The following MINK1 variants were observed in gnomAD, a reference collection of about 807,000 sequenced individuals.
MINK1 encodes misshapen like kinase 1.
A neutral mutation model predicts 178.4 loss-of-function variants in MINK1; 46 were observed. The observed-to-expected ratio is 0.26, with a 90% CI of 0.20 to 0.33. MINK1 has a LOEUF of 0.33. Among genes scored for constraint, MINK1 ranks in the 10% least tolerant of loss-of-function variants. MINK1 has a pLI of 1.00. For synonymous variants in MINK1, 797 were observed against 709.7 expected (o/e 1.12, Z -1.96); for missense variants, 1,366 against 1,814.9 (o/e 0.75, Z 4.49).
intron 1 of MINK1, among the ~76,000 whole-genome samples, chr17:4,851,736 C>CA (rs1440237924): frequency 3.3e-5 from 5 of 152,048 alleles, no homozygotes; most frequent in African/African-American, 1.2e-4. Flanking sequence ...CGTGGTGGCT[C>CA]ACGCCTGTAA....
At chr17:4,881,930 T>C (rs1967739148) in intron 4 of MINK1, among the ~76,000 whole-genome samples, 1 of 152,274 alleles carries the variant, frequency 6.6e-6, no homozygotes, top group South Asian at 2.1e-4. Context: ...GTCGGGAGTT[T>C]TGGCGCTGAC....
chr17:4,846,969 T>C (rs1027856833), intron 1 of MINK1, among the ~76,000 whole-genome samples: 3 of 152,200 alleles, frequency 2.0e-5, no homozygotes, highest in African/African-American at 7.2e-5. Flanking sequence ...CGTGTGAGAT[T>C]GGTCAGTGTG....
chr17:4,869,692 A>G (rs1184287694), intron 1 of MINK1, among the ~76,000 whole-genome samples: 2 of 150,138 alleles, frequency 1.3e-5, no homozygotes, highest in African/African-American at 4.9e-5. Context: ...GTACTAATTT[A>G]GATTCCCACC....
chr17:4,858,823 C>G (rs898811285), intron 1 of MINK1, among the ~76,000 whole-genome samples: 2 of 152,166 alleles, frequency 1.3e-5, no homozygotes, highest in Non-Finnish European at 1.5e-5. Context: ...TATAGTCAGT[C>G]CTGGTATGGT....
chr17:4,850,519 G>GCCC (rs34173368), intron 1 of MINK1, among the ~76,000 whole-genome samples: 129 of 144,952 alleles, frequency 8.9e-4, no homozygotes, highest in Non-Finnish European at 1.5e-3. Context: ...CTTCCTGCTG[G>GCCC]CCCCCCCCGC....
Position 4,896,309 on chromosome 17 carries a change from G to C in MINK1, c.3582G>C (p.Ser1194=). Residue 1194 remains serine, a synonymous_variant, in exon 29 of 32, where the codon TCG becomes TCC. Coordinates refer to ENST00000355280, the MANE Select transcript of MINK1 (RefSeq NM_153827.5). The surrounding 1 kb of genome is among the most constrained non-coding windows in gnomAD (Gnocchi z 4.6). ...GCTTCCATGCTGTGGATGTCGACTC[G>C]GGGAACAGCTATGACATCTACATCC... ...SAGFHAVDVD[S]GNSYDIYIPV... 1 of 1,600,460 alleles carries C rather than the reference G, an allele frequency of 6.2e-7. No individual in the cohort carries two copies. The highest frequency in any genetic ancestry group is 2.2e-5 in the East Asian group (1 of 44,834).
At chr17:4,880,143 G>A (rs1175939315) in intron 2 of MINK1, among the ~76,000 whole-genome samples, 2 of 152,104 alleles carry the variant, frequency 1.3e-5, no homozygotes, top group South Asian at 2.1e-4. Flanking sequence ...TATGGGAGGA[G>A]ACCCTTCGCC....
Position 4,895,618 on chromosome 17 carries a change from C to A in MINK1, c.3230-80C>A. 1 of 1,568,870 alleles carries A rather than the reference C, an allele frequency of 6.4e-7. No homozygotes were observed. Among genetic ancestry groups the A allele is most frequent in the South Asian group, 1.2e-5 (1 of 85,020 alleles). On this transcript the variant is annotated intron_variant, in intron 26 of 31. Transcript: ENST00000355280. The surrounding 1 kb of genome is among the most constrained non-coding windows in gnomAD (Gnocchi z 4.3). ...ACACTTTCTCACCCCTTGTGGTATG[C>A]TGACAGAGGAGGCCAGGGCGGTGGC...
At position 4,886,181 on chromosome 17, in the gene MINK1, G is replaced by T; in HGVS notation, c.756G>T (p.Arg252Ser). Reference protein sequence around the residue: ...LFLIPRNPPPRLKSKKWSKKF... With the variant: ...LFLIPRNPPPSLKSKKWSKKF... ...TCATTCCTCGGAACCCTCCGCCCAG[G>T]CTCAAGTCCAAGAAGTGGTAGGTCT... The change falls in exon 9 of 32, where the codon AGG (arginine) becomes AGT (serine). Residue 252 changes from arginine (R) to serine (S), a missense_variant. By Grantham distance (110) the Arg-to-Ser change is moderately radical. Around this residue, in one of 14 missense-constraint regions of MINK1, gnomAD observed 109 missense variants for 369.4 expected, o/e 0.30. Transcript: ENST00000355280. The surrounding 1 kb of genome is among the most constrained non-coding windows in gnomAD (Gnocchi z 6.1). 1.2e-6 allele frequency: 2 copies of T among 1,613,986 alleles called. No individual in the cohort carries two copies. The highest frequency in any genetic ancestry group is 1.1e-5 in the South Asian group (1 of 91,076).
chr17:4,892,603 C>G, intron 18 of MINK1, 53 bp from the exon 19 acceptor site: 1 of 1,548,750 alleles, frequency 6.5e-7, no homozygotes, highest in Non-Finnish European at 8.8e-7. Context: ...AGCTCAGCAC[C>G]CCAGAGAAGG....
In MINK1 at chr17:4,885,051, A is replaced by G; in HGVS notation, c.508+49A>G. ...GACGAGGACCTTTCACCTCCAGAAC[A>G]GAGAATGAGGGGCCCCTTTTTCTCT... On this transcript the variant is annotated intron_variant, in intron 6 of 31. Coordinates refer to ENST00000355280, the MANE Select transcript of MINK1 (RefSeq NM_153827.5). The surrounding 1 kb of genome is among the most constrained non-coding windows in gnomAD (Gnocchi z 5.0). 6.3e-7 allele frequency: 1 copy of G among 1,584,924 alleles called. No homozygotes were observed.
rs773595003 is a variant in MINK1 at position 4,894,286 on chromosome 17, C to T, written c.2783C>T (p.Pro928Leu). 2.5e-6 allele frequency: 4 copies of T among 1,612,874 alleles called. No individual in the cohort carries two copies. Among genetic ancestry groups the T allele is most frequent in the East Asian group, 2.2e-5 (1 of 44,874 alleles). ...ACCGAGAACAGCAAAGGCCAAAGCC[C>T]ACCCTCGAAGGATGGGAGTGGTGAC... ...SPTENSKGQSPPSKDGSGDYQ... is the reference protein window; with the variant it reads ...SPTENSKGQSLPSKDGSGDYQ... Residue 928 changes from proline to leucine, a missense_variant, in exon 23 of 32, where the codon CCA becomes CTA. Coordinates refer to ENST00000355280, the MANE Select transcript of MINK1 (RefSeq NM_153827.5). The surrounding 1 kb of genome is among the most constrained non-coding windows in gnomAD (Gnocchi z 4.1).
rs368865860 is a variant in MINK1 at position 4,834,336 on chromosome 17, C to T, written c.57+696C>T. ...GGGAGCCCTCGGGGAGGAGGGGAGG[C>T]ATTTCTTCTCTTTGGAAACTGTAGC... On this transcript the variant is annotated intron_variant, in intron 1 of 31. Transcript: ENST00000355280. 6.6e-5 allele frequency among the ~76,000 whole-genome samples: 10 copies of T among 150,976 alleles called. No individual in the cohort carries two copies. In the East Asian group the frequency reaches 1.9e-3, roughly 29 times the overall value.
Position 4,855,556 on chromosome 17 carries a change from G to A in MINK1, c.57+21916G>A, listed in dbSNP as rs146114725. On this transcript the variant is annotated intron_variant, in intron 1 of 31. Transcript: ENST00000355280. Reference sequence around the variant, plus strand: ...CCAGCACTTTGGGAGGCCGAGGCGGGCGGATCATGAGGTCAGAAGGTTGAG... The same window carrying A: ...CCAGCACTTTGGGAGGCCGAGGCGGACGGATCATGAGGTCAGAAGGTTGAG... Among the ~76,000 whole-genome samples, 919 of 150,712 alleles carry A rather than the reference G, an allele frequency of 6.1e-3. 11 individuals are homozygous for A. Among genetic ancestry groups the A allele is most frequent in the African/African-American group, 0.02 (836 of 40,900 alleles).
chr17:4,853,748 C>T (rs764834290), intron 1 of MINK1, among the ~76,000 whole-genome samples: 4 of 151,932 alleles, frequency 2.6e-5, no homozygotes, highest in African/African-American at 7.3e-5. Context: ...TGATCTCGGA[C>T]GGAAACTGAT....
Position 4,886,723 on chromosome 17 carries a change from C to T in MINK1, c.949+97C>T. 7.6e-7 allele frequency: 1 copy of T among 1,308,174 alleles called. No individual in the cohort carries two copies. Among genetic ancestry groups the T allele is most frequent in the Non-Finnish European group, 1.0e-6 (1 of 981,406 alleles). 81.0% of individuals were successfully genotyped at this position (1,308,174 alleles called of 1,614,324 possible). On this transcript the variant is annotated intron_variant, in intron 10 of 31. Coordinates refer to ENST00000355280, the MANE Select transcript of MINK1 (RefSeq NM_153827.5). This position sits in a 1 kb window ranked among gnomAD's most constrained non-coding sequence, Gnocchi z 6.1. ...CGCTCCTGGCACCCCTTCCTGCTCC[C>T]CTCCTTGGCCCCAGCTCTCCCTGTC...
intron 1 of MINK1, among the ~76,000 whole-genome samples, chr17:4,838,187 G>A (rs756468052): frequency 6.6e-6 from 1 of 152,188 alleles, no homozygotes; most frequent in Non-Finnish European, 1.5e-5. Flanking sequence ...TGGAGAGCTC[G>A]AGGCATTTAG....
At position 4,885,636 on chromosome 17, in the gene MINK1, C is replaced by T; in HGVS notation, c.639+23C>T. The stretch of plus-strand genomic sequence containing the variant: ...AGGGTATGGAGTGGAAAGTTGGGAG[C>T]ATGGGGGCTGCCAAGGGCGGGAAGC... On this transcript the variant is annotated intron_variant, in intron 7 of 31. Coordinates refer to ENST00000355280, the MANE Select transcript of MINK1 (RefSeq NM_153827.5). This position sits in a 1 kb window ranked among gnomAD's most constrained non-coding sequence, Gnocchi z 5.0. 1.2e-6 allele frequency: 2 copies of T among 1,613,260 alleles called. No individual in the cohort carries two copies. The highest frequency in any genetic ancestry group is 1.7e-6 in the Non-Finnish European group (2 of 1,179,496).
chr17:4,851,898 G>GGAGAATCA (rs1912023033), intron 1 of MINK1, among the ~76,000 whole-genome samples: 1 of 151,430 alleles, frequency 6.6e-6, no homozygotes, highest in African/African-American at 2.4e-5. Flanking sequence ...TACTTGGGAG[G>GGAGAATCA]CTGGGACAGG....
Sources: gnomAD v4.1 joint callset for allele counts (sites outside exome capture counted in the v4.1 genomes callset) on GRCh38, gnomAD v4.1.1 for gene constraint, gnomAD v4.1.1 regional missense constraint, Gnocchi (gnomAD v3.1) non-coding constraint, MANE v1.5 for transcripts, NCBI Gene and HGNC (gene_info 2026-07-23, HGNC 2026-07-21) for gene names.